Variants in NPL observed in about 807,000 individuals in gnomAD.
NPL encodes the protein N-acetylneuraminate pyruvate lyase, also known as N-acetylneuraminate lyase.
In NPL, 32 loss-of-function variants were observed where a neutral mutation model predicts 41.1. The ratio of observed to expected loss-of-function variants is 0.78; its 90% confidence interval spans 0.59 to 1.05. The LOEUF (loss-of-function observed/expected upper bound fraction) is 1.05. Among genes scored for constraint, NPL ranks in the 50% least tolerant of loss-of-function variants. The pLI, the probability that NPL is intolerant of heterozygous loss-of-function variation, is 0.00. For synonymous variants in NPL, 128 were observed against 134.9 expected (o/e 0.95, Z 0.35); for missense variants, 321 against 378.4 (o/e 0.85, Z 1.26).
At chr1:182,797,906 T>C (rs1177639228) in intron 3 of NPL, among the ~76,000 whole-genome samples, 1 of 152,248 alleles carries the variant, frequency 6.6e-6, no homozygotes, top group African/African-American at 2.4e-5. Context: ...ATCTTAAGCA[T>C]GTGGCATAGT....
chr1:182,805,535 G>A (rs1666979387), intron 4 of NPL, among the ~76,000 whole-genome samples: 1 of 152,172 alleles, frequency 6.6e-6, no homozygotes, highest in Admixed American at 6.5e-5. Flanking sequence ...ATTATTTTCT[G>A]TTTCAGACTT....
At position 182,829,516 on chromosome 1, in the gene NPL, T is replaced by G; in HGVS notation, c.*608T>G. ...TCAGGTGAGGACTTGTTTCAGTTCC[T>G]ATAACTAAGTAAAGGGCGGCTTTCT... On this transcript the variant is annotated 3_prime_UTR_variant, in exon 13 of 13. Transcript: ENST00000367553. The G allele has an allele frequency of 6.6e-7, 1 of 1,510,412 alleles. No homozygotes were observed. The highest frequency in any genetic ancestry group is 1.2e-5 in the South Asian group (1 of 80,524). The allele number at this position is 1,510,412 out of a possible 1,614,324, so 93.6% of individuals were successfully genotyped here.
intron 5 of NPL, 102 bp downstream of exon 5, chr1:182,806,334 G>A (rs201319872): frequency 2.2e-5 from 34 of 1,567,826 alleles, no homozygotes; most frequent in South Asian, 8.2e-5. Context: ...GTCAGAGCCG[G>A]GGCTTGAGGT....
intron 10 of NPL, among the ~76,000 whole-genome samples, chr1:182,821,889 T>C (rs1218612471): frequency 6.6e-6 from 1 of 152,232 alleles, no homozygotes; most frequent in African/African-American, 2.4e-5. Flanking sequence ...TTTCTGATTT[T>C]CTTCCTTTAT....
intron 5 of NPL, among the ~76,000 whole-genome samples, chr1:182,808,317 T>C (rs1667081288): frequency 6.6e-6 from 1 of 152,178 alleles, no homozygotes; most frequent in Non-Finnish European, 1.5e-5. Flanking sequence ...TTAGATGCCA[T>C]GAAAGTCAGC....
In NPL at chr1:182,818,534, T is replaced by G. The variant is rs1190336319; in HGVS notation, c.458-7T>G. 1.2e-6 allele frequency: 2 copies of G among 1,613,862 alleles called. No individual in the cohort carries two copies. Among genetic ancestry groups the G allele is most frequent in the Non-Finnish European group, 1.7e-6 (2 of 1,180,040 alleles). ...CAGATTAATGAGGCACTTATTATTT[T>G]GAGCAGTTCGTGCTGAGGAGTTGTT... On this transcript the variant is annotated splice_region_variant and splice_polypyrimidine_tract_variant and intron_variant, in intron 8 of 12. Transcript: ENST00000367553.
chr1:182,809,167 C>A (rs1456379112), intron 5 of NPL: 1 of 426,126 alleles, frequency 2.3e-6, no homozygotes, highest in Non-Finnish European at 4.7e-6. Context: ...TGTAATGATG[C>A]TTTCACCCCA....
At chr1:182,810,094 G>C (rs1186270250) in intron 5 of NPL, 1 of 152,158 alleles carries the variant, frequency 6.6e-6, no homozygotes, top group Non-Finnish European at 1.5e-5. Flanking sequence ...AGAACCCCTG[G>C]AGGACTCTGT....
chr1:182,795,484 A>G (rs1666635234), intron 3 of NPL, among the ~76,000 whole-genome samples: 1 of 152,188 alleles, frequency 6.6e-6, no homozygotes, highest in Admixed American at 6.5e-5. Context: ...TGCTGAATTT[A>G]TAAACGTTCA....
chr1:182,808,464 A>C (rs1667085082), intron 5 of NPL, among the ~76,000 whole-genome samples: 1 of 152,170 alleles, frequency 6.6e-6, no homozygotes, highest in Non-Finnish European at 1.5e-5. Flanking sequence ...AGACATCTGC[A>C]AGTGGGAGCG....
chr1:182,807,703 C>T (rs1310472020), intron 5 of NPL, among the ~76,000 whole-genome samples: 127 of 142,790 alleles, frequency 8.9e-4, no homozygotes, highest in Non-Finnish European at 1.5e-3. Context: ...GATGAAACCC[C>T]GTCTCTACTA....
rs1667615412 is a variant in NPL, at chr1:182,825,785, G to C, written c.743G>C (p.Cys248Ser). The C allele has an allele frequency of 6.3e-7, 1 of 1,578,276 alleles. No homozygotes were observed. The highest frequency in any genetic ancestry group is 8.7e-7 in the Non-Finnish European group (1 of 1,149,654). The change falls in exon 12 of 13, where the codon TGT (cysteine) becomes TCT (serine). Residue 248 changes from cysteine to serine, a missense_variant. Transcript: ENST00000367553. The part of the protein sequence containing the change: ...DFSLALNYQF[C>S]IQRFINFVVK... The stretch of plus-strand genomic sequence containing the variant: ...AGATATGTTGTTCTTTTCTAGTTTT[G>C]TATCCAGAGATTTATCAACTTTGTT...
intron 6 of NPL, among the ~76,000 whole-genome samples, chr1:182,814,247 A>G (rs1262332779): frequency 6.6e-6 from 1 of 152,236 alleles, no homozygotes; most frequent in Non-Finnish European, 1.5e-5. Flanking sequence ...AAATAGATAC[A>G]TAGTGTTATA....
rs141295266 is a variant in NPL at position 182,792,548 on chromosome 1, G to A, written c.-17+262G>A. 3.4e-3 allele frequency among the ~76,000 whole-genome samples: 515 copies of A among 152,280 alleles called. 2 individuals are homozygous for A. The highest frequency in any genetic ancestry group is 0.012 in the African/African-American group (481 of 41,544). ...TAAGTGGCCTGCTTATTGTACTGAG[G>A]GTGGTCACATGAAGCTCAAAGAGTG... On this transcript the variant is annotated intron_variant, in intron 2 of 12. Coordinates refer to ENST00000367553, the MANE Select transcript of NPL (RefSeq NM_030769.3).
intron 11 of NPL, among the ~76,000 whole-genome samples, chr1:182,825,319 T>C (rs1667602410): frequency 6.6e-6 from 1 of 152,230 alleles, no homozygotes; most frequent in Non-Finnish European, 1.5e-5. Context: ...CAGATTCTTA[T>C]GCTGATCAAT....
chr1:182,814,895 G>A, intron 7 of NPL, 37 bp downstream of exon 7: 1 of 1,484,476 alleles, frequency 6.7e-7, no homozygotes, highest in South Asian at 1.1e-5. Context: ...CATCTCACAT[G>A]GTCCACTTCT....
At position 182,809,238 on chromosome 1, in the gene NPL, G is replaced by C. The variant is rs1337375225; in HGVS notation, c.231-2918G>C. ...CGCACAACCCAAAGTAGACGGAGTA[G>C]CTTTAGAAGACAGCTGAAGGCCTGG... On this transcript the variant is annotated intron_variant, in intron 5 of 12. Coordinates refer to ENST00000367553, the MANE Select transcript of NPL (RefSeq NM_030769.3). The C allele has an allele frequency of 1.1e-5, 5 of 452,480 alleles. No individual in the cohort carries two copies. The East Asian group carries it at 3.6e-4, about 32-fold the overall frequency. The allele number at this position is 452,480 out of a possible 1,614,324, so 28.0% of individuals were successfully genotyped here.
At chr1:182,795,710 T>C (rs1001675681) in intron 3 of NPL, 3 of 152,162 alleles carry the variant, frequency 2.0e-5, no homozygotes, top group South Asian at 2.1e-4. Context: ...TTTTTTTCTG[T>C]TACTTCCCCT....
intron 8 of NPL, 148 bp downstream of exon 8, chr1:182,816,954 A>G (rs553891996): frequency 1.3e-5 from 9 of 696,512 alleles, no homozygotes; most frequent in Non-Finnish European, 2.3e-5. Flanking sequence ...TCTAAATGTC[A>G]CTCTAAAGTC....
Sources: gnomAD v4.1 joint callset for allele counts (sites outside exome capture counted in the v4.1 genomes callset) on GRCh38, gnomAD v4.1.1 for gene constraint, MANE v1.5 for transcripts, NCBI Gene and HGNC (gene_info 2026-07-23, HGNC 2026-07-21) for gene names.